Variants in PKP4 observed in about 807,000 individuals in gnomAD.
PKP4 encodes plakophilin-4.
A neutral mutation model predicts 145.1 loss-of-function variants in PKP4; 90 were observed. The ratio of observed to expected loss-of-function variants is 0.62; its 90% confidence interval spans 0.52 to 0.74. PKP4 has a LOEUF of 0.74. Ranked by LOEUF, PKP4 falls within the 30% of genes least tolerant of loss-of-function variation. PKP4 has a pLI of 0.00. For synonymous variants in PKP4, 563 were observed against 577.2 expected (o/e 0.98, Z 0.35); for missense variants, 1,340 against 1,482.7 (o/e 0.90, Z 1.58).
chr2:158,649,552 G>A (rs961806013), intron 11 of PKP4, among the ~76,000 whole-genome samples: 32 of 152,244 alleles, frequency 2.1e-4, no homozygotes, highest in African/African-American at 6.0e-4. Flanking sequence ...TCTATGAAAC[G>A]TGATTTTAGG....
Position 158,662,999 on chromosome 2 carries a change from CTAGGAAA to C in PKP4, c.2315_2321del (p.Leu772GlnfsTer54). 6.2e-7 allele frequency: 1 copy of C among 1,613,942 alleles called. No individual in the cohort carries two copies. The highest frequency in any genetic ancestry group is 8.5e-7 in the Non-Finnish European group (1 of 1,179,992). On this transcript the variant is annotated frameshift_variant, in exon 14 of 22. Coordinates refer to ENST00000389759, the MANE Select transcript of PKP4 (RefSeq NM_003628.6). LOFTEE classifies it high-confidence loss of function. Reference sequence around the variant, plus strand: ...GGGACTGAACGAATTGGATGACTTACTAGGAAAAGAGTCTCCCAGCAAAGACTCTGAG... The same window carrying C: ...GGGACTGAACGAATTGGATGACTTACAGAGTCTCCCAGCAAAGACTCTGAG...
chr2:158,603,196 A>G (rs2050368475), intron 4 of PKP4, 92 bp downstream of exon 4: 1 of 692,998 alleles, frequency 1.4e-6, no homozygotes, highest in Non-Finnish European at 2.4e-6. Flanking sequence ...AAATAAGCCA[A>G]GCAAAGCCTT....
intron 3 of PKP4, among the ~76,000 whole-genome samples, chr2:158,595,096 A>G (rs1055221147): frequency 2.0e-5 from 3 of 152,228 alleles, no homozygotes; most frequent in African/African-American, 4.8e-5. Flanking sequence ...GACAGAGAGC[A>G]TAAGTCTCTA....
intron 1 of PKP4, among the ~76,000 whole-genome samples, chr2:158,526,986 G>A (rs955706899): frequency 8.7e-6 from 1 of 114,790 alleles, no homozygotes; most frequent in Admixed American, 9.7e-5. Context: ...AAATAAAAGA[G>A]GATACAAACA....
At chr2:158,565,868 G>C (rs2046940166) in intron 2 of PKP4, among the ~76,000 whole-genome samples, 1 of 152,098 alleles carries the variant, frequency 6.6e-6, no homozygotes, top group Admixed American at 6.6e-5. Flanking sequence ...TGGAAGTTTA[G>C]AAAGGAGTGA....
intron 2 of PKP4, among the ~76,000 whole-genome samples, chr2:158,564,339 A>G (rs1053423952): frequency 1.3e-5 from 2 of 152,160 alleles, no homozygotes; most frequent in African/African-American, 2.4e-5. Context: ...GAAGCAACAG[A>G]TAAGAGTCCA....
intron 7 of PKP4, among the ~76,000 whole-genome samples, chr2:158,625,725 A>C: frequency 6.6e-6 from 1 of 152,268 alleles, no homozygotes; most frequent in East Asian, 1.9e-4. Context: ...ATTAGTTGCA[A>C]TTCTAAGCAG....
At chr2:158,668,540 C>T (rs893731939) in intron 16 of PKP4, among the ~76,000 whole-genome samples, 1 of 152,236 alleles carries the variant, frequency 6.6e-6, no homozygotes, top group African/African-American at 2.4e-5. Context: ...TGAGCTGCCT[C>T]GGCCTAACCC....
chr2:158,677,615 C>G (rs1365368924), intron 20 of PKP4, among the ~76,000 whole-genome samples: 1 of 152,162 alleles, frequency 6.6e-6, no homozygotes, highest in Non-Finnish European at 1.5e-5. Context: ...TAAATAAAAG[C>G]TGGTGGCAGC....
intron 1 of PKP4, among the ~76,000 whole-genome samples, chr2:158,530,731 G>T (rs1182159799): frequency 6.6e-6 from 1 of 151,878 alleles, no homozygotes; most frequent in East Asian, 1.9e-4. Context: ...AGAGATAAGG[G>T]GTAGGGAAGT....
At chr2:158,475,798 C>T (rs1239495776) in intron 1 of PKP4, among the ~76,000 whole-genome samples, 1 of 152,186 alleles carries the variant, frequency 6.6e-6, no homozygotes, top group Non-Finnish European at 1.5e-5. Flanking sequence ...GCCCTATCTC[C>T]CATATCCACC....
chr2:158,552,971 G>A (rs2045761237), intron 2 of PKP4, among the ~76,000 whole-genome samples: 1 of 152,164 alleles, frequency 6.6e-6, no homozygotes, highest in South Asian at 2.1e-4. Flanking sequence ...AGAGAGTAAT[G>A]AAGCGAAGTG....
In PKP4 at chr2:158,634,060, G is replaced by C. The variant is rs1255694356; in HGVS notation, c.1343-10G>C. The C allele has an allele frequency of 2.0e-6, 3 of 1,497,136 alleles. No homozygotes were observed. The highest frequency in any genetic ancestry group is 2.8e-6 in the Non-Finnish European group (3 of 1,075,660). 92.7% of individuals were successfully genotyped at this position (1,497,136 alleles called of 1,614,324 possible). A position where few individuals can be genotyped will look rare whatever the true frequency, so the allele number is the denominator to read the frequency against. ...ACATACTAATCTTTTTCAAAATGTT[G>C]ACTTTCTAGTAGGTATTGGAAATCT... On this transcript the variant is annotated splice_polypyrimidine_tract_variant and intron_variant, in intron 8 of 21. Coordinates refer to ENST00000389759, the MANE Select transcript of PKP4 (RefSeq NM_003628.6).
At chr2:158,549,672 A>G (rs1053092504) in intron 2 of PKP4, among the ~76,000 whole-genome samples, 1 of 152,102 alleles carries the variant, frequency 6.6e-6, no homozygotes, top group African/African-American at 2.4e-5. Flanking sequence ...GATTGATTCA[A>G]CTGAATAGCC....
chr2:158,491,484 C>CT (rs1196135617), intron 1 of PKP4, among the ~76,000 whole-genome samples: 1 of 151,948 alleles, frequency 6.6e-6, no homozygotes, highest in African/African-American at 2.4e-5. Context: ...TGCTTGTTAT[C>CT]TTTTTTTGGG....
intron 1 of PKP4, among the ~76,000 whole-genome samples, chr2:158,459,684 A>G (rs900444210): frequency 2.0e-5 from 3 of 152,130 alleles, no homozygotes; most frequent in Admixed American, 1.3e-4. Context: ...TGTTTAACCC[A>G]TGCTTAACCC....
At chr2:158,481,477 A>C (rs1693344623) in intron 1 of PKP4, among the ~76,000 whole-genome samples, 1 of 152,144 alleles carries the variant, frequency 6.6e-6, no homozygotes, top group East Asian at 1.9e-4. Flanking sequence ...ACTGTTTCCA[A>C]AGCAGCTGCA....
At chr2:158,657,504 A>G (rs1488477537) in intron 11 of PKP4, among the ~76,000 whole-genome samples, 2 of 152,182 alleles carry the variant, frequency 1.3e-5, no homozygotes, top group African/African-American at 4.8e-5. Flanking sequence ...TGATAATAAA[A>G]CTCTTAAAAT....
chr2:158,618,111 A>C (rs1245972813), intron 4 of PKP4, among the ~76,000 whole-genome samples: 1 of 152,230 alleles, frequency 6.6e-6, no homozygotes, highest in Non-Finnish European at 1.5e-5. Flanking sequence ...TGAGCCCAGG[A>C]GGCAGAGATT....
Sources: gnomAD v4.1 joint callset for allele counts (sites outside exome capture counted in the v4.1 genomes callset) on GRCh38, gnomAD v4.1.1 for gene constraint, MANE v1.5 for transcripts, NCBI Gene and HGNC (gene_info 2026-07-23, HGNC 2026-07-21) for gene names.